The following ANKRD31 variants were observed in gnomAD, a reference collection of about 807,000 sequenced individuals.
ANKRD31 encodes ankyrin repeat domain-containing protein 31.
A neutral mutation model predicts 186.0 loss-of-function variants in ANKRD31; 147 were observed. The ratio of observed to expected loss-of-function variants is 0.79; its 90% confidence interval spans 0.69 to 0.91. The LOEUF (loss-of-function observed/expected upper bound fraction) is 0.91. Among genes scored for constraint, ANKRD31 ranks in the 40% least tolerant of loss-of-function variants. The probability of loss-of-function intolerance (pLI) is 0.00; values close to 1 mark genes in which losing one functional copy is unlikely to be tolerated. For synonymous variants in ANKRD31, 673 were observed against 736.4 expected, an observed-to-expected ratio of 0.91 and a Z score of 1.39; for missense variants, 1,986 against 2,148.8, an observed-to-expected ratio of 0.92 and a Z score of 1.50.
intron 11 of ANKRD31, among the ~76,000 whole-genome samples, chr5:75,154,623 A>G (rs760223529): frequency 6.6e-6 from 1 of 151,978 alleles, no homozygotes; most frequent in Non-Finnish European, 1.5e-5. Context: ...AGGGAGAAGG[A>G]GGTAAGGGGG....
At chr5:75,230,080 T>TGC (rs1322400861) in intron 2 of ANKRD31, among the ~76,000 whole-genome samples, 3 of 151,838 alleles carry the variant, frequency 2.0e-5, no homozygotes, top group Admixed American at 6.6e-5. Flanking sequence ...TGTGTGTGTG[T>TGC]GCGCGCGTGT....
intron 21 of ANKRD31, among the ~76,000 whole-genome samples, chr5:75,107,236 T>G (rs1215164647): frequency 1.3e-5 from 2 of 152,038 alleles, no homozygotes; most frequent in Non-Finnish European, 2.9e-5. Flanking sequence ...TAAATTTGCC[T>G]GTGGGATTCA....
chr5:75,206,329 T>C (rs1756234467), intron 5 of ANKRD31, 82 bp downstream of exon 5: 5 of 335,982 alleles, frequency 1.5e-5, no homozygotes, highest in Non-Finnish European at 2.3e-5. Context: ...AGCCTAGTTG[T>C]AAATAAATGT....
chr5:75,140,232 AAAGAAGG>A (rs1750912883), intron 15 of ANKRD31, among the ~76,000 whole-genome samples: 1 of 104,240 alleles, frequency 9.6e-6, no homozygotes, highest in Middle Eastern at 4.2e-3. Context: ...GAAAAGAAAG[AAAGAAGG>A]AAGGAAGGAA....
Position 75,230,729 on chromosome 5 carries a change from TAA to T in ANKRD31, c.105-96_105-95del, listed in dbSNP as rs1757897170. 6 of 885,634 alleles carry T rather than the reference TAA, an allele frequency of 6.8e-6. No homozygotes were observed. The African/African-American group carries it at 8.5e-5, about 12-fold the overall frequency. 54.9% of individuals were successfully genotyped at this position (885,634 alleles called of 1,614,324 possible). The stretch of plus-strand genomic sequence containing the variant: ...TCATTTTTATTATACCAAAACTTGC[TAA>T]AATTCTTAGTTATACCACTATTAAT... On this transcript the variant is annotated intron_variant, in intron 1 of 25. Coordinates refer to ENST00000506364, the MANE Select transcript of ANKRD31 (RefSeq NM_001372053.1).
At chr5:75,178,765 G>A (rs1037542025) in intron 10 of ANKRD31, among the ~76,000 whole-genome samples, 2 of 151,976 alleles carry the variant, frequency 1.3e-5, no homozygotes, top group South Asian at 2.1e-4. Context: ...AGCACTAAAT[G>A]CCCACAAGAG....
At chr5:75,115,039 G>A (rs1378112266) in intron 19 of ANKRD31, among the ~76,000 whole-genome samples, 2 of 151,966 alleles carry the variant, frequency 1.3e-5, no homozygotes, top group East Asian at 3.9e-4. Flanking sequence ...AAAACAGCAT[G>A]GTATTGGTAC....
chr5:75,133,548 T>C (rs1335183931), intron 17 of ANKRD31, among the ~76,000 whole-genome samples: 4 of 151,944 alleles, frequency 2.6e-5, no homozygotes, highest in South Asian at 4.2e-4. Context: ...AGACTTAGAC[T>C]CCCACACAAT....
intron 24 of ANKRD31, among the ~76,000 whole-genome samples, 166 bp from the exon 25 acceptor site, chr5:75,080,805 C>T (rs979737329): frequency 1.3e-5 from 2 of 152,144 alleles, no homozygotes; most frequent in Non-Finnish European, 2.9e-5. Context: ...AATGGCTCTT[C>T]CTACTTCCCC....
chr5:75,077,629 T>G (rs1744752411), intron 25 of ANKRD31, among the ~76,000 whole-genome samples: 1 of 151,870 alleles, frequency 6.6e-6, no homozygotes, highest in Non-Finnish European at 1.5e-5. Flanking sequence ...GAAATTCTAC[T>G]AAAAAGAAGT....
At chr5:75,139,767 G>A (rs1055462528) in intron 15 of ANKRD31, among the ~76,000 whole-genome samples, 14 of 152,148 alleles carry the variant, frequency 9.2e-5, no homozygotes, top group African/African-American at 1.2e-4. Context: ...CTGAACTCAC[G>A]CACTCCACAC....
At chr5:75,141,336 A>ATGTG (rs565934388) in intron 15 of ANKRD31, among the ~76,000 whole-genome samples, 7 of 150,860 alleles carry the variant, frequency 4.6e-5, no homozygotes, top group East Asian at 1.9e-4. Flanking sequence ...TTGAAAACTT[A>ATGTG]TGTGTGTGTG....
chr5:75,132,175 T>C (rs1580388171), intron 17 of ANKRD31, among the ~76,000 whole-genome samples: 1 of 152,056 alleles, frequency 6.6e-6, no homozygotes, highest in African/African-American at 2.4e-5. Flanking sequence ...CTTTGACGAG[T>C]TGAGGGAAGA....
intron 10 of ANKRD31, among the ~76,000 whole-genome samples, chr5:75,182,082 G>T (rs945280058): frequency 6.6e-6 from 1 of 152,114 alleles, no homozygotes; most frequent in African/African-American, 2.4e-5. Context: ...TAGATAGTAG[G>T]TATATGGATA....
intron 1 of ANKRD31, among the ~76,000 whole-genome samples, chr5:75,231,949 A>ACACACACACAC (rs58916914): frequency 6.9e-6 from 1 of 144,116 alleles, no homozygotes. Flanking sequence ...ACACACACAC[A>ACACACACACAC]ACTTTCTAAT....
Position 75,140,285 on chromosome 5 carries a change from GA to G in ANKRD31, c.3596-1303del, listed in dbSNP as rs1216240776. Among the ~76,000 whole-genome samples, 34 of 56,150 alleles carry G rather than the reference GA, an allele frequency of 6.1e-4. No individual in the cohort carries two copies. In the African/African-American group the frequency reaches 7.0e-3, roughly 11 times the overall value. The allele number at this position is 56,150 out of a possible 152,430, so 36.8% of individuals were successfully genotyped here. A position where few individuals can be genotyped will look rare whatever the true frequency, so the allele number is the denominator to read the frequency against. On this transcript the variant is annotated intron_variant, in intron 15 of 25. Coordinates refer to ENST00000506364, the MANE Select transcript of ANKRD31 (RefSeq NM_001372053.1). ...AAGGAAGGAAAGAGAGAGAGAGAAA[GA>G]AAGGAAGGAAGGAAGGAAGGAAGGA...
At chr5:75,105,336 A>T in intron 21 of ANKRD31, 118 bp from the exon 22 acceptor site, 1 of 1,113,226 alleles carries the variant, frequency 9.0e-7, no homozygotes, top group Non-Finnish European at 1.2e-6. Context: ...AATACACAAA[A>T]CTATGCCTGT....
intron 22 of ANKRD31, among the ~76,000 whole-genome samples, chr5:75,092,372 T>C (rs1176258475): frequency 2.0e-5 from 3 of 152,172 alleles, no homozygotes; most frequent in Non-Finnish European, 4.4e-5. Context: ...AACTATCCCT[T>C]CAAAGGAGCC....
intron 1 of ANKRD31, among the ~76,000 whole-genome samples, chr5:75,233,912 G>A (rs879927239): frequency 2.3e-4 from 34 of 150,886 alleles, no homozygotes; most frequent in South Asian, 2.1e-4. Flanking sequence ...ATGAGACTCC[G>A]TCTCAAAAAA....
Sources: allele counts gnomAD v4.1 joint callset (sites outside exome capture counted in the v4.1 genomes callset), GRCh38; gene constraint gnomAD v4.1.1; transcripts MANE v1.5; gene names NCBI Gene and HGNC (gene_info 2026-07-23, HGNC 2026-07-21).